Variants in SBNO2 observed in about 807,000 individuals in gnomAD.
The protein encoded by SBNO2 is strawberry notch homolog 2, also known as protein strawberry notch homolog 2.
A neutral mutation model predicts 146.3 loss-of-function variants in SBNO2; 89 were observed. That is an observed-to-expected ratio of 0.61 (90% CI 0.51 to 0.73). The LOEUF (loss-of-function observed/expected upper bound fraction) is 0.73. Ranked by LOEUF, SBNO2 falls within the 30% of genes least tolerant of loss-of-function variation. SBNO2 has a pLI of 0.00. For synonymous variants in SBNO2, 1,147 were observed against 892.6 expected (o/e 1.29, Z -5.08); for missense variants, 2,092 against 2,003.7 (o/e 1.04, Z -0.84).
At chr19:1,155,375 T>G (rs897652809) in intron 1 of SBNO2, among the ~76,000 whole-genome samples, 9 of 151,830 alleles carry the variant, frequency 5.9e-5, no homozygotes, top group Non-Finnish European at 1.0e-4. Context: ...CAGATGGAGG[T>G]GGTCAGGCAC....
At chr19:1,149,861 C>A (rs1479009588) in intron 2 of SBNO2, among the ~76,000 whole-genome samples, 2 of 152,206 alleles carry the variant, frequency 1.3e-5, no homozygotes, top group African/African-American at 4.8e-5. Flanking sequence ...CACCCGCTGC[C>A]TGTGGTGGAG....
chr19:1,167,473 T>C (rs1463578761), intron 1 of SBNO2, among the ~76,000 whole-genome samples: 2 of 152,186 alleles, frequency 1.3e-5, no homozygotes, highest in South Asian at 2.1e-4. Flanking sequence ...CTGCTCCCTG[T>C]GGCCACTGGG....
intron 3 of SBNO2, 84 bp from the exon 4 acceptor site, chr19:1,147,504 G>A (rs1321355580): frequency 6.4e-6 from 5 of 777,508 alleles, no homozygotes; most frequent in Non-Finnish European, 9.8e-6. Flanking sequence ...CATGGCCGCA[G>A]CCAGAGGCCC....
chr19:1,117,283 G>A, intron 15 of SBNO2, 40 bp downstream of exon 15: 2 of 1,527,192 alleles, frequency 1.3e-6, no homozygotes, highest in Non-Finnish European at 1.8e-6. Context: ...GCCCCTGCAG[G>A]CCCGGCCGCC....
At chr19:1,170,279 G>C (rs1045809857) in intron 1 of SBNO2, among the ~76,000 whole-genome samples, 5 of 152,204 alleles carry the variant, frequency 3.3e-5, no homozygotes, top group Admixed American at 2.0e-4. Context: ...CTGAGTCCTG[G>C]GCCCTGTGAC....
intron 6 of SBNO2, 37 bp from the exon 7 acceptor site, chr19:1,123,676 C>A: frequency 6.4e-7 from 1 of 1,570,730 alleles, no homozygotes; most frequent in African/African-American, 1.4e-5. Context: ...AGACTGCAGG[C>A]CTGAGCGGCC....
At chr19:1,132,181 G>A (rs574782810) in intron 4 of SBNO2, 10 of 1,414,086 alleles carry the variant, frequency 7.1e-6, no homozygotes, top group African/African-American at 6.1e-5. Context: ...AGCGCTGCCC[G>A]GGAGCGGCTC....
At chr19:1,122,015 T>G in intron 11 of SBNO2, 124 bp downstream of exon 11, 10 of 254,146 alleles carry the variant, frequency 3.9e-5, no homozygotes, top group Non-Finnish European at 6.4e-5. Flanking sequence ...CCTCCGCTCC[T>G]ACCCTCTCCC....
Position 1,149,457 on chromosome 19 carries a change from G to T in SBNO2, c.94-15C>A. Reference sequence around the variant, plus strand: ...AGCATGGCGCTCTAGAAGAGACAGCGGGCATCAGTGAGTGGGAAGCAGAGG... The same window carrying T: ...AGCATGGCGCTCTAGAAGAGACAGCTGGCATCAGTGAGTGGGAAGCAGAGG... On this transcript the variant is annotated splice_polypyrimidine_tract_variant and intron_variant, in intron 2 of 31. Coordinates refer to ENST00000361757, the MANE Select transcript of SBNO2 (RefSeq NM_014963.3). The T allele has an allele frequency of 1.3e-6, 2 of 1,549,824 alleles. No individual in the cohort carries two copies. The highest frequency in any genetic ancestry group is 1.7e-6 in the Non-Finnish European group (2 of 1,146,376).
In SBNO2 at chr19:1,108,674, C is replaced by T. The variant is rs1395017443; in HGVS notation, c.3647G>A (p.Arg1216Gln). 5.9e-6 allele frequency: 9 copies of T among 1,531,188 alleles called. No individual in the cohort carries two copies. The highest frequency in any genetic ancestry group is 7.0e-6 in the Non-Finnish European group (8 of 1,147,130). The allele number at this position is 1,531,188 out of a possible 1,614,324, so 94.9% of individuals were successfully genotyped here. ...GIKIPEGCVRRVLQELRLMDA... is the reference protein window; with the variant it reads ...GIKIPEGCVRQVLQELRLMDA... ...CATCAGCCGCAGCTCCTGCAGCACC[C>T]GGCGCACGCAGCCCTCGGGGATCTT... Residue 1216 changes from arginine (R) to glutamine (Q), a missense_variant, in exon 32 of 32, where the codon CGG becomes CAG. Coordinates refer to ENST00000361757, the MANE Select transcript of SBNO2 (RefSeq NM_014963.3).
At position 1,108,867 on chromosome 19, in the gene SBNO2, G is replaced by GC; in HGVS notation, c.3527dup (p.Arg1177ProfsTer195). On this transcript the variant is annotated frameshift_variant, in exon 31 of 32. Coordinates refer to ENST00000361757, the MANE Select transcript of SBNO2 (RefSeq NM_014963.3). LOFTEE classifies it high-confidence loss of function. Reference sequence around the variant, plus strand: ...CGTCGGCCATGACGGCGGCGATGCGGCCCCACACGCGCAGCAGCGCGCCGC... The same window carrying GC: ...CGTCGGCCATGACGGCGGCGATGCGGCCCCCACACGCGCAGCAGCGCGCCGC... The GC allele has an allele frequency of 6.3e-7, 1 of 1,594,174 alleles. No individual in the cohort carries two copies. Among genetic ancestry groups the GC allele is most frequent in the Non-Finnish European group, 8.5e-7 (1 of 1,176,716 alleles).
At chr19:1,168,949 G>C (rs555037899) in intron 1 of SBNO2, 6 of 152,400 alleles carry the variant, frequency 3.9e-5, no homozygotes, top group Non-Finnish European at 7.3e-5. Context: ...CGAGTGAGCC[G>C]CCTTCCGGAA....
rs11880694 is a variant in SBNO2, at chr19:1,109,323, G to A, written c.3317C>T (p.Ala1106Val). 8,517 of 1,595,808 alleles carry A rather than the reference G, an allele frequency of 5.3e-3. 406 individuals carry two copies. In the African/African-American group the frequency reaches 0.1, roughly 19 times the overall value. The change falls in exon 29 of 32, where the codon GCC becomes GTC. Residue 1106 changes from alanine (A) to valine (V), a missense_variant. Ala to Val is a moderately conservative substitution (Grantham distance 64). Coordinates refer to ENST00000361757, the MANE Select transcript of SBNO2 (RefSeq NM_014963.3). This position sits in a 1 kb window ranked among gnomAD's most constrained non-coding sequence, Gnocchi z 4.2. The part of the protein sequence containing the change: ...PNIGRQSQLE[A>V]LDSLRRKFHR... ...GAACTTGCGGCGGAGGCTGTCCAGG[G>A]CCTCCAGCTGGCTCTGCCGGCCGAT...
chr19:1,120,462 A>G (rs2079887847), intron 11 of SBNO2, among the ~76,000 whole-genome samples: 1 of 151,786 alleles, frequency 6.6e-6, no homozygotes, highest in African/African-American at 2.4e-5. Flanking sequence ...TGCCTCTCAG[A>G]TTCAAGTGAT....
At chr19:1,147,633 C>A (rs1036336933) in intron 3 of SBNO2, among the ~76,000 whole-genome samples, 2 of 151,986 alleles carry the variant, frequency 1.3e-5, no homozygotes, top group Non-Finnish European at 1.5e-5. Context: ...CCCCACTGGA[C>A]ACAGCCCGGC....
intron 10 of SBNO2, 32 bp downstream of exon 10, chr19:1,122,435 CT>C: frequency 6.4e-7 from 1 of 1,553,200 alleles, no homozygotes; most frequent in Non-Finnish European, 8.7e-7. Flanking sequence ...CGGTCCCCAC[CT>C]TGCCCCCTAC....
chr19:1,117,022 ACT>A (rs999936308), intron 15 of SBNO2, 96 bp from the exon 16 acceptor site: 3 of 1,157,132 alleles, frequency 2.6e-6, no homozygotes, highest in African/African-American at 3.1e-5. Flanking sequence ...CACATCCCTC[ACT>A]CTGCTGCTGT....
chr19:1,138,311 A>AGGCTG (rs1036497929), intron 4 of SBNO2, among the ~76,000 whole-genome samples: 3 of 147,974 alleles, frequency 2.0e-5, no homozygotes, highest in African/African-American at 7.6e-5. Context: ...TGGGGCCGCG[A>AGGCTG]GGCTGGGCTG....
chr19:1,110,072 G>T lies in SBNO2; in HGVS notation c.3029-295C>A, dbSNP rs893284799. Among the ~76,000 whole-genome samples, 44 of 150,946 alleles carry T rather than the reference G, an allele frequency of 2.9e-4. No individual in the cohort carries two copies. The highest frequency in any genetic ancestry group is 1.0e-3 in the African/African-American group (42 of 41,094). On this transcript the variant is annotated intron_variant, in intron 26 of 31. Transcript: ENST00000361757. The surrounding 1 kb of genome is among the most constrained non-coding windows in gnomAD (Gnocchi z 4.9). Reference sequence around the variant, plus strand: ...GCTGTGGGGGATCGTGGGAGCCTGGGGGCCGCTCAGATCCTAGGTAACCCC... The same window carrying T: ...GCTGTGGGGGATCGTGGGAGCCTGGTGGCCGCTCAGATCCTAGGTAACCCC...
Sources: gnomAD v4.1 joint callset for allele counts (sites outside exome capture counted in the v4.1 genomes callset) on GRCh38, gnomAD v4.1.1 for gene constraint, Gnocchi (gnomAD v3.1) non-coding constraint, MANE v1.5 for transcripts, NCBI Gene and HGNC (gene_info 2026-07-23, HGNC 2026-07-21) for gene names.